The following RALYL variants were observed in gnomAD, a reference collection of about 807,000 sequenced individuals.
RALYL encodes RNA-binding Raly-like protein.
A neutral mutation model predicts 35.1 loss-of-function variants in RALYL; 29 were observed. That is an observed-to-expected ratio of 0.83 (90% CI 0.61 to 1.13). The LOEUF is 1.13. Ranked by LOEUF, RALYL falls within the 50% of genes most tolerant of loss-of-function variation. The pLI, the probability that RALYL is intolerant of heterozygous loss-of-function variation, is 0.00. For synonymous variants in RALYL, 120 were observed against 127.6 expected (o/e 0.94, Z 0.40); for missense variants, 359 against 360.4 (o/e 1.00, Z 0.03).
intron 1 of RALYL, among the ~76,000 whole-genome samples, chr8:84,483,279 T>G: frequency 6.6e-6 from 1 of 152,250 alleles, no homozygotes; most frequent in Middle Eastern, 3.4e-3. Context: ...TATAACTTAA[T>G]TTTTTTCCTC....
intron 6 of RALYL, among the ~76,000 whole-genome samples, chr8:84,864,475 T>G (rs1002988345): frequency 1.3e-5 from 2 of 152,254 alleles, no homozygotes; most frequent in Non-Finnish European, 2.9e-5. Context: ...CAGCATGTTA[T>G]AATTGTGTTA....
At chr8:84,563,844 T>C (rs1200060105) in intron 2 of RALYL, among the ~76,000 whole-genome samples, 2 of 151,826 alleles carry the variant, frequency 1.3e-5, no homozygotes, top group Non-Finnish European at 2.9e-5. Context: ...TTATTTGCTT[T>C]GTTTTTAATT....
intron 2 of RALYL, among the ~76,000 whole-genome samples, chr8:84,721,280 T>C (rs1843859326): frequency 6.6e-6 from 1 of 151,778 alleles, no homozygotes; most frequent in African/African-American, 2.4e-5. Context: ...CATTACTGAG[T>C]ACTGGTTATA....
chr8:84,618,220 T>C (rs1393105994), intron 2 of RALYL, among the ~76,000 whole-genome samples: 1 of 151,864 alleles, frequency 6.6e-6, no homozygotes, highest in East Asian at 1.9e-4. Context: ...ATCCATTTGG[T>C]CCTGGACTCT....
intron 2 of RALYL, among the ~76,000 whole-genome samples, chr8:84,567,372 C>T (rs533851503): frequency 6.6e-6 from 1 of 151,852 alleles, no homozygotes; most frequent in South Asian, 2.1e-4. Context: ...ACCACCCTCC[C>T]TTTTTGGAGT....
rs896713702 is a variant in RALYL at position 84,628,901 on chromosome 8, TA to T, written c.256+99333del. ...ATCTTATTTCAGATGGTCTGTCCAG[TA>T]AAAAAAAATGTGGAGGATAATCTTT... is the stretch of plus-strand genomic sequence containing the variant. On this transcript the variant is annotated intron_variant, in intron 2 of 8. Coordinates refer to ENST00000521268, the MANE Select transcript of RALYL (RefSeq NM_173848.7). 3.1e-3 allele frequency among the ~76,000 whole-genome samples: 465 copies of T among 150,896 alleles called. 3 individuals carry two copies. The highest frequency in any genetic ancestry group is 9.7e-3 in the African/African-American group (401 of 41,222).
At chr8:84,516,682 A>G (rs758957435) in intron 1 of RALYL, among the ~76,000 whole-genome samples, 32 of 152,186 alleles carry the variant, frequency 2.1e-4, no homozygotes, top group Admixed American at 1.3e-4. Flanking sequence ...GCTGGGGTGA[A>G]CATCCCTGGT....
chr8:84,413,135 T>A (rs934157851), intron 1 of RALYL, among the ~76,000 whole-genome samples: 2 of 150,542 alleles, frequency 1.3e-5, no homozygotes, highest in Non-Finnish European at 3.0e-5. Flanking sequence ...ACATAATTAA[T>A]TTTTTTCTGG....
intron 1 of RALYL, among the ~76,000 whole-genome samples, chr8:84,249,498 C>A (rs977857): frequency 0.46 from 70,571 of 151,882 alleles, 16,569 homozygotes; most frequent in East Asian, 0.53. Context: ...CTTTATCAAA[C>A]CATTTTTGAA....
intron 2 of RALYL, among the ~76,000 whole-genome samples, chr8:84,673,909 G>A (rs565184918): frequency 6.6e-6 from 1 of 152,150 alleles, no homozygotes; most frequent in Admixed American, 6.5e-5. Flanking sequence ...TTCTAATTCT[G>A]TGAAGAATGG....
At chr8:84,463,633 C>A (rs2051094795) in intron 1 of RALYL, among the ~76,000 whole-genome samples, 1 of 152,010 alleles carries the variant, frequency 6.6e-6, no homozygotes, top group South Asian at 2.1e-4. Context: ...TATTTAACTT[C>A]TTTAAGCTTA....
At chr8:84,307,187 A>G (rs1447771573) in intron 1 of RALYL, among the ~76,000 whole-genome samples, 3 of 152,056 alleles carry the variant, frequency 2.0e-5, no homozygotes, top group Non-Finnish European at 4.4e-5. Context: ...CCCCATTCAG[A>G]TATTCCTCTG....
At chr8:84,478,323 C>T (rs28481893) in intron 1 of RALYL, among the ~76,000 whole-genome samples, 5,986 of 151,756 alleles carry the variant, frequency 0.039, 238 homozygotes, top group African/African-American at 0.099. Context: ...GAATTTGTCG[C>T]GAAATGGAGG....
Position 84,467,081 on chromosome 8 carries a change from T to G in RALYL, c.-23-62218T>G, listed in dbSNP as rs557734818. On this transcript the variant is annotated intron_variant, in intron 1 of 8. Transcript: ENST00000521268. ...GCGGTCTATCAATTTTGTTGATCCTTTCAAAAAACCAGCTCCTGGATTCAT... is the reference window on the plus strand; with the variant it reads ...GCGGTCTATCAATTTTGTTGATCCTGTCAAAAAACCAGCTCCTGGATTCAT... Among the ~76,000 whole-genome samples the G allele has an allele frequency of 6.6e-5, 10 of 152,212 alleles. No individual in the cohort carries two copies. The South Asian group carries it at 1.9e-3, about 28-fold the overall frequency.
intron 1 of RALYL, among the ~76,000 whole-genome samples, chr8:84,284,497 C>T (rs1837233374): frequency 6.6e-6 from 1 of 152,120 alleles, no homozygotes; most frequent in South Asian, 2.1e-4. Context: ...TCTTTAGATT[C>T]TGAAATAAGT....
chr8:84,185,303 A>ATAC (rs1812237301), intron 1 of RALYL: 2 of 477,740 alleles, frequency 4.2e-6, no homozygotes, highest in Admixed American at 3.3e-5. Flanking sequence ...TAACCACCTG[A>ATAC]TACTGGCTCT....
At chr8:84,717,076 A>G (rs1311150566) in intron 2 of RALYL, among the ~76,000 whole-genome samples, 1 of 152,146 alleles carries the variant, frequency 6.6e-6, no homozygotes, top group Non-Finnish European at 1.5e-5. Context: ...AATCTCAGCT[A>G]CTCAGGAGGC....
At chr8:84,495,380 A>T (rs1402907774) in intron 1 of RALYL, among the ~76,000 whole-genome samples, 1 of 152,146 alleles carries the variant, frequency 6.6e-6, no homozygotes, top group Admixed American at 6.6e-5. Context: ...TGAGACATCA[A>T]CTTGAAAAAT....
chr8:84,887,209 G>A (rs1291276934), intron 7 of RALYL, among the ~76,000 whole-genome samples: 2 of 152,066 alleles, frequency 1.3e-5, no homozygotes, highest in South Asian at 2.1e-4. Flanking sequence ...GAGTGAAAAA[G>A]TTCTATGTTG....
Sources: gnomAD v4.1 joint callset for allele counts (sites outside exome capture counted in the v4.1 genomes callset) on GRCh38, gnomAD v4.1.1 for gene constraint, MANE v1.5 for transcripts, NCBI Gene and HGNC (gene_info 2026-07-23, HGNC 2026-07-21) for gene names.